Variants in TOP6BL observed in about 807,000 individuals in gnomAD.
TOP6BL encodes type 2 DNA topoisomerase 6 subunit B-like.
At chr11:66,786,210 C>A in the TOP6BL span, among the ~76,000 whole-genome samples, 1 of 151,954 alleles carries the variant, frequency 6.6e-6, no homozygotes, top group African/African-American at 2.4e-5. Flanking sequence ...AGGCAGGAGA[C>A]CCTGTTGAAC....
At chr11:66,802,276 C>T in the TOP6BL span, among the ~76,000 whole-genome samples, 2 of 152,138 alleles carry the variant, frequency 1.3e-5, no homozygotes, top group Admixed American at 1.3e-4. Flanking sequence ...CCTCAATCTC[C>T]TGAGTAGCTG....
At chr11:66,775,335 C>T in the TOP6BL span, among the ~76,000 whole-genome samples, 165 of 152,178 alleles carry the variant, frequency 1.1e-3, no homozygotes, top group African/African-American at 3.7e-3. Flanking sequence ...GAATAAGGGG[C>T]TCGACCAAGA....
At chr11:66,828,537 T>C in the TOP6BL span, 1 of 571,078 alleles carries the variant, frequency 1.8e-6, no homozygotes, top group Non-Finnish European at 3.1e-6. Flanking sequence ...GGAATGACTA[T>C]CCCACTGGTT....
chr11:66,819,129 A>AG, the TOP6BL span, among the ~76,000 whole-genome samples: 1 of 152,100 alleles, frequency 6.6e-6, no homozygotes, highest in Non-Finnish European at 1.5e-5. Context: ...AGCTTTCTCT[A>AG]GAGCCTCTTT....
At chr11:66,785,695 C>T in the TOP6BL span, among the ~76,000 whole-genome samples, 1 of 152,044 alleles carries the variant, frequency 6.6e-6, no homozygotes, top group African/African-American at 2.4e-5. Context: ...CTCTATGGCC[C>T]TCATCTCATA....
the TOP6BL span, among the ~76,000 whole-genome samples, chr11:66,802,810 C>T: frequency 6.6e-6 from 1 of 152,188 alleles, no homozygotes; most frequent in Non-Finnish European, 1.5e-5. Flanking sequence ...TAGTGATCCT[C>T]TAATAATAAA....
the TOP6BL span, among the ~76,000 whole-genome samples, chr11:66,795,429 G>A: frequency 6.6e-6 from 1 of 151,372 alleles, no homozygotes; most frequent in South Asian, 2.1e-4. Context: ...AGCCTCCTGA[G>A]TAGCTGGGAT....
chr11:66,745,488 C>A, the TOP6BL span, among the ~76,000 whole-genome samples: 1 of 152,200 alleles, frequency 6.6e-6, no homozygotes, highest in East Asian at 1.9e-4. Context: ...CTCTGGAAGA[C>A]GGCACTGAGC....
At chr11:66,842,822 A>G in the TOP6BL span, 1 of 1,531,350 alleles carries the variant, frequency 6.5e-7, no homozygotes, top group South Asian at 1.2e-5. Flanking sequence ...CATGAAAGTA[A>G]GATGAAGAGG....
At chr11:66,747,076 A>G in the TOP6BL span, among the ~76,000 whole-genome samples, 1 of 151,972 alleles carries the variant, frequency 6.6e-6, no homozygotes. Context: ...AGCTGGGGCT[A>G]CAGGCACACA....
At chr11:66,752,818 T>C in the TOP6BL span, among the ~76,000 whole-genome samples, 69 of 152,238 alleles carry the variant, frequency 4.5e-4, no homozygotes, top group African/African-American at 1.7e-3. Context: ...GGGTAGGTGC[T>C]ATAACAAACC....
chr11:66,785,388 T>A, the TOP6BL span, among the ~76,000 whole-genome samples: 3 of 152,222 alleles, frequency 2.0e-5, no homozygotes, highest in African/African-American at 7.2e-5. Context: ...TCCCAGATTG[T>A]TCTATTAACT....
the TOP6BL span, chr11:66,828,341 C>T: frequency 1.1e-5 from 17 of 1,613,210 alleles, no homozygotes; most frequent in Admixed American, 1.8e-4. Context: ...ATTTCTTCAC[C>T]ACTGCTCATG....
chr11:66,839,349 A>T, the TOP6BL span: 1 of 375,832 alleles, frequency 2.7e-6, no homozygotes. Context: ...CCAAGGCTAC[A>T]CAGCCAGTAA....
chr11:66,771,098 T>G, the TOP6BL span: 1 of 152,008 alleles, frequency 6.6e-6, no homozygotes, highest in Non-Finnish European at 1.5e-5. Context: ...ACTCAATAAA[T>G]GTCTTTACCT....
the TOP6BL span, among the ~76,000 whole-genome samples, chr11:66,822,043 C>T: frequency 6.6e-6 from 1 of 152,212 alleles, no homozygotes; most frequent in African/African-American, 2.4e-5. Context: ...ACACCTCTTC[C>T]TTATGCATAT....
At chr11:66,783,585 A>G in the TOP6BL span, among the ~76,000 whole-genome samples, 2 of 151,994 alleles carry the variant, frequency 1.3e-5, no homozygotes, top group Non-Finnish European at 2.9e-5. Context: ...TGTGTTAACT[A>G]TGTGGCTTTT....
chr11:66,761,231 C>T, the TOP6BL span, among the ~76,000 whole-genome samples: 3 of 151,892 alleles, frequency 2.0e-5, no homozygotes, highest in African/African-American at 4.8e-5. Context: ...ATTAGCCGGG[C>T]GTGGTGGCGG....
the TOP6BL span, among the ~76,000 whole-genome samples, chr11:66,785,944 TTTG>T: frequency 6.6e-6 from 1 of 152,268 alleles, no homozygotes; most frequent in South Asian, 2.1e-4. Flanking sequence ...TTGTTCCCTT[TTTG>T]TTGTTCTTTT....
Sources: gnomAD v4.1 joint callset for allele counts (sites outside exome capture counted in the v4.1 genomes callset) on GRCh38, gnomAD v4.1.1 for gene constraint, MANE v1.5 for transcripts, NCBI Gene and HGNC (gene_info 2026-07-23, HGNC 2026-07-21) for gene names.